The following GORAB variants were observed in gnomAD, a reference collection of about 807,000 sequenced individuals.
GORAB encodes the protein RAB6-interacting golgin.
Under a neutral mutation model 29.9 loss-of-function variants are expected in GORAB, and 17 were observed. The observed-to-expected ratio is 0.57, with a 90% CI of 0.39 to 0.85. The LOEUF is 0.85. Ranked by LOEUF, GORAB falls within the 40% of genes least tolerant of loss-of-function variation. The pLI is 0.00. For missense variants in GORAB, 442 were observed against 437.8 expected (o/e 1.01, Z -0.09); for synonymous variants, 183 against 157.2 (o/e 1.16, Z -1.23).
chr1:170,544,900 G>C lies in GORAB; in HGVS notation c.662+55G>C, dbSNP rs528737072. 8 of 1,581,812 alleles carry C rather than the reference G, an allele frequency of 5.1e-6. No homozygotes were observed. In the South Asian group the frequency reaches 7.9e-5, roughly 16 times the overall value. On this transcript the variant is annotated intron_variant, in intron 4 of 4. Transcript: ENST00000367763. ...GAGTATGATTTAATTAATGTTTATT[G>C]CCAGCTGTTCCAGGGGCTTTTATGT...
chr1:170,544,698 T>G lies in GORAB; in HGVS notation c.522-7T>G. On this transcript the variant is annotated splice_region_variant and splice_polypyrimidine_tract_variant and intron_variant, in intron 3 of 4. Coordinates refer to ENST00000367763, the MANE Select transcript of GORAB (RefSeq NM_152281.3). The stretch of plus-strand genomic sequence containing the variant: ...TTATTTTCCCACTCACATACCTGAT[T>G]TTCTAGATCCAAAAGAACTCAGGCA... 6.2e-7 allele frequency: 1 copy of G among 1,613,730 alleles called. No homozygotes were observed. Among genetic ancestry groups the G allele is most frequent in the Non-Finnish European group, 8.5e-7 (1 of 1,179,634 alleles).
chr1:170,550,923 CTCT>C (rs1230436401), intron 4 of GORAB, among the ~76,000 whole-genome samples: 4 of 152,172 alleles, frequency 2.6e-5, no homozygotes, highest in African/African-American at 9.6e-5. Context: ...GACACGATAA[CTCT>C]TCTTTTTGTA....
Position 170,539,080 on chromosome 1 carries a change from C to G in GORAB, c.62-130C>G, listed in dbSNP as rs1649230042. 4 of 1,122,484 alleles carry G rather than the reference C, an allele frequency of 3.6e-6. No homozygotes were observed. The East Asian group carries it at 1.0e-4, about 29-fold the overall frequency. The allele number at this position is 1,122,484 out of a possible 1,614,324, so 69.5% of individuals were successfully genotyped here. ...GATGGCTGTTTTTCCCCTAGACTTT[C>G]AAGATAGAGAATGGGGTAGGAGAAC... On this transcript the variant is annotated intron_variant, in intron 1 of 4. Coordinates refer to ENST00000367763, the MANE Select transcript of GORAB (RefSeq NM_152281.3).
intron 1 of GORAB, among the ~76,000 whole-genome samples, chr1:170,537,373 G>T (rs1649126284): frequency 6.6e-6 from 1 of 152,040 alleles, no homozygotes; most frequent in Non-Finnish European, 1.5e-5. Flanking sequence ...CTTGTGTTGT[G>T]GTGGCCAGCA....
intron 1 of GORAB, 72 bp downstream of exon 1, chr1:170,532,356 G>C (rs2101812559): frequency 6.6e-7 from 1 of 1,515,694 alleles, no homozygotes; most frequent in East Asian, 2.2e-5. Context: ...AGCTTTGGCG[G>C]GGAAAGGGGG....
chr1:170,532,440 G>A, intron 1 of GORAB, 156 bp downstream of exon 1: 1 of 779,836 alleles, frequency 1.3e-6, no homozygotes, highest in Non-Finnish European at 2.1e-6. Context: ...TTTCAGAGGA[G>A]GACTTACTGG....
At chr1:170,539,629 G>T in intron 2 of GORAB, 62 bp downstream of exon 2, 1 of 1,525,996 alleles carries the variant, frequency 6.6e-7, no homozygotes, top group Non-Finnish European at 8.9e-7. Context: ...TTCCCAATGG[G>T]CTTTAAGGAA....
chr1:170,547,748 C>T (rs1649848921), intron 4 of GORAB, among the ~76,000 whole-genome samples: 1 of 152,144 alleles, frequency 6.6e-6, no homozygotes, highest in African/African-American at 2.4e-5. Context: ...GTTTGACTCA[C>T]AAACATAAAA....
At chr1:170,549,671 A>T (rs6671312) in intron 4 of GORAB, among the ~76,000 whole-genome samples, 142,329 of 152,218 alleles carry the variant, frequency 0.94, 67,253 homozygotes, top group East Asian at 1. Flanking sequence ...AAGTATGGAG[A>T]TAAGGGAACT....
intron 4 of GORAB, chr1:170,545,546 A>C: frequency 1.0e-6 from 1 of 985,152 alleles, no homozygotes; most frequent in Non-Finnish European, 1.2e-6. Context: ...AGGGCAAAAA[A>C]ATATGTCCAA....
At chr1:170,545,130 G>T in intron 4 of GORAB, 1 of 1,084,410 alleles carries the variant, frequency 9.2e-7, no homozygotes, top group African/African-American at 1.6e-5. Context: ...TTAATGTTTG[G>T]AAGTGTTTTT....
intron 4 of GORAB, among the ~76,000 whole-genome samples, chr1:170,546,653 G>A (rs1649780735): frequency 6.6e-6 from 1 of 152,020 alleles, no homozygotes; most frequent in Non-Finnish European, 1.5e-5. Flanking sequence ...GTAGTTGAAT[G>A]TAAGTAGATG....
intron 1 of GORAB, among the ~76,000 whole-genome samples, chr1:170,538,546 A>G (rs902744047): frequency 1.3e-5 from 2 of 152,242 alleles, no homozygotes; most frequent in African/African-American, 4.8e-5. Context: ...TTTATCTTCT[A>G]TTGCTTTACT....
chr1:170,534,177 G>GTA (rs1233288640), intron 1 of GORAB, among the ~76,000 whole-genome samples: 2 of 152,146 alleles, frequency 1.3e-5, no homozygotes, highest in African/African-American at 4.8e-5. Flanking sequence ...ATAAATTGTG[G>GTA]TATACTCATC....
chr1:170,536,098 ATAT>A (rs1649046002), intron 1 of GORAB, among the ~76,000 whole-genome samples: 1 of 152,092 alleles, frequency 6.6e-6, no homozygotes, highest in South Asian at 2.1e-4. Context: ...TTTCATCTTC[ATAT>A]TATTAACATT....
chr1:170,534,462 G>A (rs1421250126), intron 1 of GORAB, among the ~76,000 whole-genome samples: 2 of 151,986 alleles, frequency 1.3e-5, no homozygotes, highest in South Asian at 4.1e-4. Flanking sequence ...GTATACATGG[G>A]GATCCTGGAA....
intron 3 of GORAB, among the ~76,000 whole-genome samples, chr1:170,543,861 A>G (rs907163819): frequency 2.0e-5 from 3 of 152,172 alleles, no homozygotes; most frequent in African/African-American, 7.2e-5. Flanking sequence ...ACTTGACGTA[A>G]AAGAATCATA....
chr1:170,540,607 G>A (rs1008709562), intron 2 of GORAB, among the ~76,000 whole-genome samples: 1 of 152,162 alleles, frequency 6.6e-6, no homozygotes, highest in Non-Finnish European at 1.5e-5. Context: ...TTGAACAAGT[G>A]CATACATTAA....
At chr1:170,539,001 G>A (rs1039924691) in intron 1 of GORAB, 1 of 605,598 alleles carries the variant, frequency 1.7e-6, no homozygotes, top group Non-Finnish European at 2.9e-6. Context: ...AGATGGGGCA[G>A]TTTCTGTTAA....
Sources: gnomAD v4.1 joint callset for allele counts (sites outside exome capture counted in the v4.1 genomes callset) on GRCh38, gnomAD v4.1.1 for gene constraint, MANE v1.5 for transcripts, NCBI Gene and HGNC (gene_info 2026-07-23, HGNC 2026-07-21) for gene names.